Variants in WASHC5 observed in about 807,000 individuals in gnomAD.
WASHC5 encodes WASH complex subunit 5.
Under a neutral mutation model 150.4 loss-of-function variants are expected in WASHC5, and 101 were observed. The observed-to-expected ratio is 0.67, with a 90% CI of 0.57 to 0.79. The LOEUF (loss-of-function observed/expected upper bound fraction) is 0.79, where lower values mean the gene tolerates loss of function less well. Ranked by LOEUF, WASHC5 falls within the 30% of genes least tolerant of loss-of-function variation. The probability of loss-of-function intolerance (pLI) is 0.00; values close to 1 mark genes in which losing one functional copy is unlikely to be tolerated. For missense variants in WASHC5, 1,195 were observed against 1,396.3 expected (o/e 0.86, Z 2.30); for synonymous variants, 467 against 491.2 (o/e 0.95, Z 0.65).
intron 27 of WASHC5, among the ~76,000 whole-genome samples, chr8:125,030,689 C>T (rs1586331662): frequency 6.9e-6 from 1 of 144,698 alleles, no homozygotes; most frequent in Admixed American, 6.9e-5. Context: ...ATTGTAGCTG[C>T]TGTACTGTCC....
chr8:125,039,580 A>G (rs1384089946), intron 24 of WASHC5, among the ~76,000 whole-genome samples: 16 of 152,140 alleles, frequency 1.1e-4, no homozygotes. Flanking sequence ...ACACGAATCC[A>G]TTAGAGAGAG....
chr8:125,050,682 A>G lies in WASHC5; in HGVS notation c.2098-17T>C, dbSNP rs745919706. 1 of 1,596,130 alleles carries G rather than the reference A, an allele frequency of 6.3e-7. No individual in the cohort carries two copies. Among genetic ancestry groups the G allele is most frequent in the South Asian group, 1.1e-5 (1 of 90,656 alleles). Reference sequence around the variant, plus strand: ...TGGATCCACCTAAGTGCCAATCAAAAGTATTAAATGATAGTTACGAAAAAT... The same window carrying G: ...TGGATCCACCTAAGTGCCAATCAAAGGTATTAAATGATAGTTACGAAAAAT... On this transcript the variant is annotated splice_polypyrimidine_tract_variant and intron_variant, in intron 17 of 28. Transcript: ENST00000318410.
At position 125,076,482 on chromosome 8, in the gene WASHC5, G is replaced by A. The variant is rs1817064992; in HGVS notation, c.730C>T (p.Pro244Ser). The A allele has an allele frequency of 2.5e-6, 4 of 1,613,902 alleles. No individual in the cohort carries two copies. The highest frequency in any genetic ancestry group is 2.5e-6 in the Non-Finnish European group (3 of 1,179,952). ...GCCAGGGCTGTGCTGCGATGCTCCG[G>A]CAAAGGATACGCTGAGACCTGCAAT... Reference protein sequence around the residue: ...IYNQVSAYPLPEHRSTALANQ... With the variant: ...IYNQVSAYPLSEHRSTALANQ... The change falls in exon 7 of 29, where the codon CCG becomes TCG. Residue 244 changes from proline (P) to serine (S), a missense_variant. Pro to Ser is a moderately conservative substitution (Grantham distance 74). Around this residue, in one of 3 missense-constraint regions of WASHC5, gnomAD observed 997 missense variants for 1,168.1 expected, o/e 0.85. Coordinates refer to ENST00000318410, the MANE Select transcript of WASHC5 (RefSeq NM_014846.4).
At chr8:125,061,471 G>C (rs1401013347) in intron 11 of WASHC5, among the ~76,000 whole-genome samples, 3 of 146,906 alleles carry the variant, frequency 2.0e-5, no homozygotes, top group Admixed American at 2.0e-4. Context: ...GTGGAGAAGA[G>C]TTGGAAAGGA....
At position 125,072,187 on chromosome 8, in the gene WASHC5, CA is replaced by C. The variant is rs923315258; in HGVS notation, c.1150+965del. Among the ~76,000 whole-genome samples the C allele has an allele frequency of 9.2e-5, 14 of 151,820 alleles. 1 individual carries two copies. The highest frequency in any genetic ancestry group is 2.7e-4 in the African/African-American group (11 of 41,302). On this transcript the variant is annotated intron_variant, in intron 9 of 28. Coordinates refer to ENST00000318410, the MANE Select transcript of WASHC5 (RefSeq NM_014846.4). ...GAAACACTGTCTCTACAAAAAAATA[CA>C]AAAAACTTAGCCAGGCATGATGGCA...
intron 10 of WASHC5, among the ~76,000 whole-genome samples, chr8:125,064,209 T>C (rs549211033): frequency 6.6e-6 from 1 of 152,062 alleles, no homozygotes; most frequent in East Asian, 1.9e-4. Context: ...TATTTATTTA[T>C]TTAGTTTTTG....
Position 125,083,192 on chromosome 8 carries a change from G to T in WASHC5, c.253C>A (p.Arg85Ser), listed in dbSNP as rs371245542. The T allele has an allele frequency of 1.2e-6, 2 of 1,609,024 alleles. No individual in the cohort carries two copies. Among genetic ancestry groups the T allele is most frequent in the Non-Finnish European group, 1.7e-6 (2 of 1,175,946 alleles). ...PELQDLDEEF[R>S]ENNIEIVTRF... ...GTCACAATTTCTATGTTGTTTTCACGAAATTCTTCATCTAAATCCTGTAGC... is the reference window on the plus strand; with the variant it reads ...GTCACAATTTCTATGTTGTTTTCACTAAATTCTTCATCTAAATCCTGTAGC... The change falls in exon 3 of 29, where the codon CGT becomes AGT. Residue 85 changes from arginine to serine, a missense_variant. Arg to Ser is a moderately radical substitution (Grantham distance 110). This residue lies in a region of WASHC5 where 195 missense variants were observed against 206.9 expected (regional missense o/e 0.94). Coordinates refer to ENST00000318410, the MANE Select transcript of WASHC5 (RefSeq NM_014846.4).
chr8:125,076,265 A>G lies in WASHC5; in HGVS notation c.864+83T>C, dbSNP rs184046257. The G allele has an allele frequency of 3.3e-5, 42 of 1,277,936 alleles. 3 individuals are homozygous for G. In the Admixed American group the frequency reaches 5.6e-4, roughly 17 times the overall value. 79.2% of individuals were successfully genotyped at this position (1,277,936 alleles called of 1,614,324 possible). A position where few individuals can be genotyped will look rare whatever the true frequency, so the allele number is the denominator to read the frequency against. ...TATGTCCCATTATTTACAACATTAC[A>G]ACCTGTGGGTTAAAGGCCAAAAGAA... On this transcript the variant is annotated intron_variant, in intron 7 of 28. Coordinates refer to ENST00000318410, the MANE Select transcript of WASHC5 (RefSeq NM_014846.4).
At chr8:125,032,739 C>A in intron 26 of WASHC5, 1 of 328,550 alleles carries the variant, frequency 3.0e-6, no homozygotes, top group African/African-American at 2.2e-5. Context: ...CTTCTGTTAA[C>A]GGCAGCATGA....
At position 125,058,722 on chromosome 8, in the gene WASHC5, C is replaced by CA. The variant is rs760777607; in HGVS notation, c.1764+499dup. Among the ~76,000 whole-genome samples the CA allele has an allele frequency of 3.0e-3, 389 of 130,278 alleles. 1 individual carries two copies. The highest frequency in any genetic ancestry group is 4.2e-3 in the Non-Finnish European group (269 of 63,582). 85.5% of individuals were successfully genotyped at this position (130,278 alleles called of 152,430 possible). A position where few individuals can be genotyped will look rare whatever the true frequency, so the allele number is the denominator to read the frequency against. ...TGGGAAACAAAGCGAGATTCCATCTCAAAAAAAAAAAGAAGAAGAAGAAGA... is the reference window on the plus strand; with the variant it reads ...TGGGAAACAAAGCGAGATTCCATCTCAAAAAAAAAAAAGAAGAAGAAGAAGA... On this transcript the variant is annotated intron_variant, in intron 14 of 28. Coordinates refer to ENST00000318410, the MANE Select transcript of WASHC5 (RefSeq NM_014846.4).
chr8:125,065,876 C>T (rs1816732510), intron 10 of WASHC5, among the ~76,000 whole-genome samples: 1 of 152,154 alleles, frequency 6.6e-6, no homozygotes, highest in African/African-American at 2.4e-5. Context: ...CTTAGCCTCC[C>T]AAAGTGCTGG....
At chr8:125,032,164 G>C in intron 27 of WASHC5, 77 bp downstream of exon 27, 1 of 1,509,416 alleles carries the variant, frequency 6.6e-7, no homozygotes, top group South Asian at 1.1e-5. Flanking sequence ...AGGGCGATAA[G>C]AGGAATTTGG....
chr8:125,075,361 GT>G (rs1817023676), intron 7 of WASHC5, among the ~76,000 whole-genome samples: 1 of 152,080 alleles, frequency 6.6e-6, no homozygotes, highest in East Asian at 1.9e-4. Flanking sequence ...TCTCTATTGT[GT>G]AATATTAATG....
At chr8:125,063,675 T>C (rs758688871) in intron 10 of WASHC5, 24 bp from the exon 11 acceptor site, 2 of 1,611,578 alleles carry the variant, frequency 1.2e-6, no homozygotes, top group Non-Finnish European at 1.7e-6. Context: ...AGAAAATATT[T>C]ATTTACTTAA....
At chr8:125,066,485 T>C (rs1048595692) in intron 10 of WASHC5, among the ~76,000 whole-genome samples, 3 of 152,186 alleles carry the variant, frequency 2.0e-5, no homozygotes, top group Admixed American at 1.3e-4. Flanking sequence ...CAGGTACCCA[T>C]CATTTTTATT....
At chr8:125,073,726 T>C (rs1816971193) in intron 8 of WASHC5, among the ~76,000 whole-genome samples, 1 of 152,222 alleles carries the variant, frequency 6.6e-6, no homozygotes, top group Non-Finnish European at 1.5e-5. Flanking sequence ...TTATTGAACA[T>C]ATTTGAAAAA....
intron 26 of WASHC5, among the ~76,000 whole-genome samples, chr8:125,035,741 T>C (rs1014931586): frequency 1.3e-5 from 2 of 152,034 alleles, no homozygotes; most frequent in African/African-American, 4.8e-5. Context: ...CTAGAATCAA[T>C]GATTACTTTT....
chr8:125,073,197 C>A lies in WASHC5; in HGVS notation c.1106G>T (p.Cys369Phe), dbSNP rs1816952476. 6.2e-7 allele frequency: 1 copy of A among 1,614,128 alleles called. No homozygotes were observed. Among genetic ancestry groups the A allele is most frequent in the Admixed American group, 1.7e-5 (1 of 60,004 alleles). The change falls in exon 9 of 29, where the codon TGC (cysteine) becomes TTC (phenylalanine). Residue 369 changes from cysteine (C) to phenylalanine (F), a missense_variant. By Grantham distance (205) the Cys-to-Phe change is radical. This residue lies in a region of WASHC5 where 997 missense variants were observed against 1,168.1 expected (regional missense o/e 0.85). Coordinates refer to ENST00000318410, the MANE Select transcript of WASHC5 (RefSeq NM_014846.4). The part of the protein sequence containing the change: ...IPKLLNCLRD[C>F]NVAIRWLMLH... ...CATCAGCCATCGGATGGCAACATTGCAGTCTCTCAGGCAGTTCAGAAGCTT... is the reference window on the plus strand; with the variant it reads ...CATCAGCCATCGGATGGCAACATTGAAGTCTCTCAGGCAGTTCAGAAGCTT...
intron 27 of WASHC5, among the ~76,000 whole-genome samples, chr8:125,029,846 C>T (rs368920799): frequency 1.3e-4 from 20 of 152,268 alleles, no homozygotes; most frequent in African/African-American, 3.6e-4. Context: ...TGGTTAATTT[C>T]GCTGATGAAC....
Sources: gnomAD v4.1 joint callset for allele counts (sites outside exome capture counted in the v4.1 genomes callset) on GRCh38, gnomAD v4.1.1 for gene constraint, gnomAD v4.1.1 regional missense constraint, MANE v1.5 for transcripts, NCBI Gene and HGNC (gene_info 2026-07-23, HGNC 2026-07-21) for gene names.